EFNA5: variants seen among roughly 807,000 people sequenced by gnomAD.
The protein encoded by EFNA5 is ephrin-A5.
In EFNA5, 5 loss-of-function variants were observed where a neutral mutation model predicts 22.9. That is an observed-to-expected ratio of 0.22 (90% CI 0.11 to 0.46). EFNA5 has a LOEUF of 0.46. EFNA5 is among the 20% of genes least tolerant of loss of function. The pLI is 0.99. For synonymous variants in EFNA5, 113 were observed against 112.2 expected (o/e 1.01, Z -0.04); for missense variants, 237 against 293.3 (o/e 0.81, Z 1.40).
chr5:107,616,947 T>C (rs1423152331), intron 1 of EFNA5, among the ~76,000 whole-genome samples: 1 of 152,118 alleles, frequency 6.6e-6, no homozygotes, highest in Admixed American at 6.5e-5. Flanking sequence ...GGGATCAATT[T>C]CTACTCCTTT....
chr5:107,520,980 T>C (rs1442587995), intron 1 of EFNA5, among the ~76,000 whole-genome samples: 1 of 152,206 alleles, frequency 6.6e-6, no homozygotes, highest in Non-Finnish European at 1.5e-5. Context: ...TTAGTCAATT[T>C]AATTATAAGA....
chr5:107,476,329 A>G (rs146555232), intron 1 of EFNA5, among the ~76,000 whole-genome samples: 55 of 151,890 alleles, frequency 3.6e-4, no homozygotes, highest in Middle Eastern at 3.4e-3. Context: ...CTGGGATTAC[A>G]GGAGTGAGCC....
At chr5:107,542,884 T>C (rs377161892) in intron 1 of EFNA5, among the ~76,000 whole-genome samples, 27 of 152,202 alleles carry the variant, frequency 1.8e-4, no homozygotes, top group East Asian at 1.4e-3. Flanking sequence ...CGACAGGCAG[T>C]GTATGTGTGA....
chr5:107,463,806 A>C, intron 1 of EFNA5, among the ~76,000 whole-genome samples: 1 of 152,054 alleles, frequency 6.6e-6, no homozygotes, highest in Non-Finnish European at 1.5e-5. Flanking sequence ...TTTTCCATCA[A>C]ATGCAGTATG....
intron 1 of EFNA5, among the ~76,000 whole-genome samples, chr5:107,556,808 A>G (rs933834859): frequency 7.6e-6 from 1 of 132,216 alleles, no homozygotes; most frequent in Non-Finnish European, 1.7e-5. Flanking sequence ...ATAAATAACT[A>G]TCTCAAATCC....
chr5:107,445,959 C>T (rs1001155756), intron 1 of EFNA5, among the ~76,000 whole-genome samples: 1 of 152,178 alleles, frequency 6.6e-6, no homozygotes, highest in East Asian at 1.9e-4. Flanking sequence ...GAATAAACAA[C>T]TATTTTATTG....
At chr5:107,619,326 A>AT (rs1749988706) in intron 1 of EFNA5, among the ~76,000 whole-genome samples, 1 of 152,182 alleles carries the variant, frequency 6.6e-6, no homozygotes, top group Non-Finnish European at 1.5e-5. Context: ...ATTACATAGC[A>AT]TACCTCCACT....
rs138358137 is a variant in EFNA5, at chr5:107,572,267, C to T, written c.125+98222G>A. 5.9e-3 allele frequency among the ~76,000 whole-genome samples: 894 copies of T among 152,038 alleles called. 6 individuals are homozygous for T. The highest frequency in any genetic ancestry group is 9.9e-3 in the Non-Finnish European group (676 of 68,008). On this transcript the variant is annotated intron_variant, in intron 1 of 4. Coordinates refer to ENST00000333274, the MANE Select transcript of EFNA5 (RefSeq NM_001962.3). ...GCCCTCGGAGCTCTCTGGTTTAGAC[C>T]GGGGGAAGGAGAAAGGAGCTCTGGC... is the stretch of plus-strand genomic sequence containing the variant.
At chr5:107,654,794 A>C (rs1040941057) in intron 1 of EFNA5, among the ~76,000 whole-genome samples, 5 of 152,158 alleles carry the variant, frequency 3.3e-5, no homozygotes, top group African/African-American at 1.2e-4. Context: ...CTCCAAAAAA[A>C]ATAATGAGGT....
At chr5:107,640,261 G>A (rs1433553255) in intron 1 of EFNA5, among the ~76,000 whole-genome samples, 1 of 151,984 alleles carries the variant, frequency 6.6e-6, no homozygotes, top group Non-Finnish European at 1.5e-5. Context: ...TGCAGCCCTT[G>A]ACAAGGATAG....
chr5:107,475,656 T>C (rs1020797097), intron 1 of EFNA5, among the ~76,000 whole-genome samples: 3 of 152,168 alleles, frequency 2.0e-5, no homozygotes, highest in African/African-American at 7.2e-5. Flanking sequence ...TTTTGAAGGC[T>C]GTTCAAGGAC....
At position 107,401,835 on chromosome 5, in the gene EFNA5, G is replaced by A. The variant is rs1385259681; in HGVS notation, c.419-14064C>T. Among the ~76,000 whole-genome samples, 8 of 152,160 alleles carry A rather than the reference G, an allele frequency of 5.3e-5. No homozygotes were observed. In the East Asian group the frequency reaches 1.3e-3, roughly 26 times the overall value. ...AAAAGATCATTACCAGGCGGCTCCG[G>A]GGAAGTTGGCCCTCCTGTAAGTGTG... On this transcript the variant is annotated intron_variant, in intron 2 of 4. Coordinates refer to ENST00000333274, the MANE Select transcript of EFNA5 (RefSeq NM_001962.3).
chr5:107,570,931 C>T (rs951939888), intron 1 of EFNA5, among the ~76,000 whole-genome samples: 2 of 152,188 alleles, frequency 1.3e-5, no homozygotes, highest in Non-Finnish European at 1.5e-5. Context: ...CGAAAGTAAA[C>T]TCACTCTACA....
intron 1 of EFNA5, among the ~76,000 whole-genome samples, chr5:107,512,370 C>G (rs1213704283): frequency 1.8e-5 from 2 of 108,986 alleles, no homozygotes; most frequent in Non-Finnish European, 4.4e-5. Flanking sequence ...AACAAAACAA[C>G]AACAACAACA....
chr5:107,502,635 C>A (rs1310930156), intron 1 of EFNA5, among the ~76,000 whole-genome samples: 1 of 152,160 alleles, frequency 6.6e-6, no homozygotes, highest in Admixed American at 6.6e-5. Flanking sequence ...TCAGGACGTG[C>A]AAAGGAGAAC....
At chr5:107,485,730 A>T (rs1360510060) in intron 1 of EFNA5, among the ~76,000 whole-genome samples, 1 of 152,188 alleles carries the variant, frequency 6.6e-6, no homozygotes, top group Non-Finnish European at 1.5e-5. Context: ...GGAAAGAAAA[A>T]GTCAAAGAGA....
chr5:107,590,967 G>A (rs532286999), intron 1 of EFNA5, among the ~76,000 whole-genome samples: 10 of 152,280 alleles, frequency 6.6e-5, no homozygotes, highest in African/African-American at 1.9e-4. Flanking sequence ...TGGGTCAAGA[G>A]GGGAGTGTAT....
intron 1 of EFNA5, among the ~76,000 whole-genome samples, chr5:107,669,365 C>A (rs1185680781): frequency 6.6e-6 from 1 of 151,566 alleles, no homozygotes; most frequent in Non-Finnish European, 1.5e-5. Flanking sequence ...TAATAAATAG[C>A]ACCTAGGAGG....
chr5:107,515,366 TTA>T lies in EFNA5; in HGVS notation c.126-87859_126-87858del, dbSNP rs1747455129. 2.1e-4 allele frequency among the ~76,000 whole-genome samples: 10 copies of T among 46,604 alleles called. 1 individual carries two copies. Among genetic ancestry groups the T allele is most frequent in the East Asian group, 1.0e-3 (1 of 956 alleles). The allele number at this position is 46,604 out of a possible 152,430, so 30.6% of individuals were successfully genotyped here. On this transcript the variant is annotated intron_variant, in intron 1 of 4. Coordinates refer to ENST00000333274, the MANE Select transcript of EFNA5 (RefSeq NM_001962.3). ...GACATGGTTTTTATTTTTTATTTTA[TTA>T]TTATTATTATTATTATTATTATTAT... is the stretch of plus-strand genomic sequence containing the variant.
Sources: gnomAD v4.1 joint callset for allele counts (sites outside exome capture counted in the v4.1 genomes callset) on GRCh38, gnomAD v4.1.1 for gene constraint, MANE v1.5 for transcripts, NCBI Gene and HGNC (gene_info 2026-07-23, HGNC 2026-07-21) for gene names.